The following PTPN2 variants were observed in gnomAD, a reference collection of about 807,000 sequenced individuals.
PTPN2 encodes the protein tyrosine-protein phosphatase non-receptor type 2.
In PTPN2, 19 loss-of-function variants were observed where a neutral mutation model predicts 57.3. That is an observed-to-expected ratio of 0.33 (90% CI 0.23 to 0.49). The LOEUF is 0.49. Ranked by LOEUF, PTPN2 falls within the 20% of genes least tolerant of loss-of-function variation. PTPN2 has a pLI of 0.99. For synonymous variants in PTPN2, 153 were observed against 164.9 expected (o/e 0.93, Z 0.55); for missense variants, 358 against 501.1 (o/e 0.71, Z 2.73).
At chr18:12,831,073 G>A (rs764126810) in intron 3 of PTPN2, 32 bp from the exon 4 acceptor site, 4 of 1,466,308 alleles carry the variant, frequency 2.7e-6, no homozygotes, top group Non-Finnish European at 3.8e-6. Flanking sequence ...AGCAGATGAG[G>A]GAAGCAGACA....
intron 1 of PTPN2, among the ~76,000 whole-genome samples, chr18:12,867,557 A>G (rs2044035756): frequency 6.6e-6 from 1 of 152,064 alleles, no homozygotes; most frequent in Non-Finnish European, 1.5e-5. Context: ...TACATTATAG[A>G]TATGTGCCAA....
intron 7 of PTPN2, 65 bp from the exon 8 acceptor site, chr18:12,802,216 A>C: frequency 8.1e-7 from 1 of 1,230,214 alleles, no homozygotes; most frequent in South Asian, 1.5e-5. Flanking sequence ...TTAAATAAAA[A>C]AATTTATGAA....
rs79288219 is a variant in PTPN2 at position 12,821,724 on chromosome 18, G to A, written c.495+4086C>T. ...ATTAGAGAAGTCTGTCTGTTAGCAC[G>A]AACAAATCCTGGATACCCGAAGGAG... On this transcript the variant is annotated intron_variant, in intron 5 of 8. Transcript: ENST00000309660. Among the ~76,000 whole-genome samples the A allele has an allele frequency of 6.4e-3, 967 of 152,208 alleles. 14 individuals are homozygous for A. The highest frequency in any genetic ancestry group is 0.021 in the African/African-American group (891 of 41,516).
chr18:12,807,587 ATAT>A lies in PTPN2; in HGVS notation c.859-5439_859-5437del, dbSNP rs1455589005. Reference sequence around the variant, plus strand: ...AATGTGGAAAAAAAAAAAAAAAAAAATATATATATATATATATAATATAATACT... The same window carrying A: ...AATGTGGAAAAAAAAAAAAAAAAAAAATATATATATATATAATATAATACT... On this transcript the variant is annotated intron_variant, in intron 7 of 8. Coordinates refer to ENST00000309660, the MANE Select transcript of PTPN2 (RefSeq NM_002828.4). 4.6e-3 allele frequency among the ~76,000 whole-genome samples: 206 copies of A among 44,788 alleles called. 3 individuals are homozygous for A. Among genetic ancestry groups the A allele is most frequent in the African/African-American group, 0.013 (205 of 15,596 alleles). The allele number at this position is 44,788 out of a possible 152,430, so 29.4% of individuals were successfully genotyped here.
At chr18:12,827,342 CAAA>C (rs200266093) in intron 4 of PTPN2, among the ~76,000 whole-genome samples, 4 of 136,648 alleles carry the variant, frequency 2.9e-5, no homozygotes, top group Non-Finnish European at 4.6e-5. Flanking sequence ...GACTCCGTCT[CAAA>C]AAAAAAAAAA....
chr18:12,881,678 G>A (rs1252658160), intron 1 of PTPN2, among the ~76,000 whole-genome samples: 1 of 151,974 alleles, frequency 6.6e-6, no homozygotes, highest in East Asian at 1.9e-4. Context: ...TCTTCCCCTG[G>A]CCAATGTCTT....
At chr18:12,843,732 C>T (rs761739278) in intron 2 of PTPN2, among the ~76,000 whole-genome samples, 4 of 152,194 alleles carry the variant, frequency 2.6e-5, no homozygotes, top group African/African-American at 7.2e-5. Context: ...CCTAGCAATG[C>T]GCTGTCCAGG....
At chr18:12,866,513 G>A (rs991583479) in intron 1 of PTPN2, among the ~76,000 whole-genome samples, 1 of 152,134 alleles carries the variant, frequency 6.6e-6, no homozygotes, top group African/African-American at 2.4e-5. Flanking sequence ...CATGGTATGA[G>A]ACCAGGACAG....
At position 12,802,031 on chromosome 18, in the gene PTPN2, C is replaced by T. The variant is rs749523806; in HGVS notation, c.979G>A (p.Gly327Ser). 6.2e-6 allele frequency: 10 copies of T among 1,612,430 alleles called. No homozygotes were observed. In the East Asian group the frequency reaches 1.1e-4, roughly 18 times the overall value. The change falls in exon 8 of 9, where the codon GGT becomes AGT. Residue 327 changes from glycine (G) to serine (S), a missense_variant. Gly to Ser is a moderately conservative substitution (Grantham distance 56). Around this residue, in one of 4 missense-constraint regions of PTPN2, gnomAD observed 96 missense variants for 110.8 expected, o/e 0.87. Coordinates refer to ENST00000309660, the MANE Select transcript of PTPN2 (RefSeq NM_002828.4). The part of the protein sequence containing the change: ...RIGLEEEKLT[G>S]DRCTGLSSKM... ...GAGGAAAGTCCTGTACATCGGTCACCTGTCAGTTTTTCTTCTTCTAGACCT... is the reference window on the plus strand; with the variant it reads ...GAGGAAAGTCCTGTACATCGGTCACTTGTCAGTTTTTCTTCTTCTAGACCT...
At chr18:12,854,360 G>GAAAAAAAAAAAAAAA (rs11460042) in intron 2 of PTPN2, among the ~76,000 whole-genome samples, 2 of 119,266 alleles carry the variant, frequency 1.7e-5, no homozygotes, top group Non-Finnish European at 1.6e-5. Context: ...ACCCTGTCTT[G>GAAAAAAAAAAAAAAA]AAAAAAAAAA....
At chr18:12,841,749 T>C (rs1347653831) in intron 2 of PTPN2, among the ~76,000 whole-genome samples, 1 of 152,232 alleles carries the variant, frequency 6.6e-6, no homozygotes, top group South Asian at 2.1e-4. Context: ...CTCTTTAATC[T>C]GTCCCCAAGA....
intron 1 of PTPN2, among the ~76,000 whole-genome samples, chr18:12,865,372 C>T (rs923735527): frequency 6.6e-6 from 1 of 151,428 alleles, no homozygotes; most frequent in Non-Finnish European, 1.5e-5. Flanking sequence ...GAGGTCAAAG[C>T]TGCAGTAAGC....
chr18:12,815,386 T>C (rs949919268), intron 6 of PTPN2, among the ~76,000 whole-genome samples: 6 of 151,710 alleles, frequency 4.0e-5, no homozygotes, highest in Admixed American at 6.6e-5. Flanking sequence ...CACTCCACCC[T>C]GGCAACAGAG....
intron 9 of PTPN2, chr18:12,787,030 T>TTAAAA (rs2040860814): frequency 6.6e-6 from 1 of 152,200 alleles, no homozygotes; most frequent in Non-Finnish European, 1.5e-5. Flanking sequence ...AGAAGTCTTT[T>TTAAAA]TAAAATAAGC....
chr18:12,856,352 A>G (rs2043589156), intron 2 of PTPN2, among the ~76,000 whole-genome samples: 1 of 152,180 alleles, frequency 6.6e-6, no homozygotes. Context: ...AGCAAGAATG[A>G]GCAGTCTCTT....
At chr18:12,790,861 CCTTT>C (rs1465770103), downstream of PTPN2, among the ~76,000 whole-genome samples, 3 of 152,054 alleles carry the variant, frequency 2.0e-5, no homozygotes, top group African/African-American at 7.2e-5. Flanking sequence ...TTTTTTTCTT[CCTTT>C]CTCTTTTCTT....
chr18:12,815,163 C>T (rs1178219455), intron 6 of PTPN2, among the ~76,000 whole-genome samples: 1 of 151,408 alleles, frequency 6.6e-6, no homozygotes, highest in African/African-American at 2.4e-5. Context: ...CCTGTAATCC[C>T]AGCACTTTGG....
intron 1 of PTPN2, among the ~76,000 whole-genome samples, chr18:12,876,281 C>A (rs74668956): frequency 9.8e-6 from 1 of 101,918 alleles, no homozygotes; most frequent in East Asian, 3.8e-4. Context: ...GCCTGGCCAA[C>A]AAGAACAACA....
intron 1 of PTPN2, among the ~76,000 whole-genome samples, chr18:12,867,346 G>A (rs1336976736): frequency 1.3e-5 from 2 of 149,566 alleles, no homozygotes; most frequent in Admixed American, 6.6e-5. Flanking sequence ...ATAAATAAAT[G>A]AAATAAAAAT....
Sources: allele counts gnomAD v4.1 joint callset (sites outside exome capture counted in the v4.1 genomes callset), GRCh38; gene constraint gnomAD v4.1.1; regional missense constraint gnomAD v4.1.1; transcripts MANE v1.5; gene names NCBI Gene and HGNC (gene_info 2026-07-23, HGNC 2026-07-21).